CFAP251: variants seen among roughly 807,000 people sequenced by gnomAD.
The protein encoded by CFAP251 is cilia and flagella associated protein 251, also known as cilia- and flagella-associated protein 251.
Under a neutral mutation model 126.7 loss-of-function variants are expected in CFAP251, and 93 were observed. That is an observed-to-expected ratio of 0.73 (90% CI 0.62 to 0.87). The LOEUF (loss-of-function observed/expected upper bound fraction) is 0.87, where lower values mean the gene tolerates loss of function less well. CFAP251 is among the 40% of genes least tolerant of loss of function. CFAP251 has a pLI of 0.00. For missense variants in CFAP251, 1,287 were observed against 1,389.2 expected (o/e 0.93, Z 1.17); for synonymous variants, 503 against 506.9 (o/e 0.99, Z 0.10).
chr12:121,992,261 G>A, intron 19 of CFAP251: 1 of 985,460 alleles, frequency 1.0e-6, no homozygotes, highest in Non-Finnish European at 1.2e-6. Context: ...GTTCAGACAA[G>A]TAGCAGAACC....
intron 15 of CFAP251, 91 bp from the exon 16 acceptor site, chr12:121,966,864 G>C: frequency 8.5e-7 from 1 of 1,174,358 alleles, no homozygotes; most frequent in Admixed American, 1.8e-5. Flanking sequence ...GATTACAGGT[G>C]TGAGCCACTG....
chr12:121,994,167 C>G (rs1882967601), intron 19 of CFAP251, among the ~76,000 whole-genome samples: 2 of 94,740 alleles, frequency 2.1e-5, no homozygotes, highest in South Asian at 4.6e-4. Context: ...GGGGTCAGCC[C>G]CCCCGCCCGG....
intron 20 of CFAP251, 58 bp downstream of exon 20, chr12:122,000,002 A>G (rs1243988342): frequency 3.5e-5 from 53 of 1,500,554 alleles, no homozygotes; most frequent in Non-Finnish European, 4.5e-5. Context: ...AGTGTAGAGA[A>G]CTGAGTTTGG....
At chr12:121,948,389 T>A (rs1194492933) in intron 7 of CFAP251, 1 of 152,152 alleles carries the variant, frequency 6.6e-6, no homozygotes, top group Non-Finnish European at 1.5e-5. Flanking sequence ...TTTATTTTAT[T>A]ATTATTATTG....
At chr12:121,923,119 C>T (rs538933598) in intron 2 of CFAP251, among the ~76,000 whole-genome samples, 1 of 150,436 alleles carries the variant, frequency 6.6e-6, no homozygotes, top group South Asian at 2.1e-4. Context: ...TCCTTTTCCC[C>T]CTCCCCTCCC....
At chr12:121,976,753 C>G (rs925072093) in intron 19 of CFAP251, among the ~76,000 whole-genome samples, 13 of 151,878 alleles carry the variant, frequency 8.6e-5, no homozygotes, top group South Asian at 6.2e-4. Context: ...CCCATCCCCC[C>G]CAAAAAATTG....
chr12:121,967,852 C>G (rs989339533), intron 16 of CFAP251, among the ~76,000 whole-genome samples, 154 bp from the exon 17 acceptor site: 13 of 152,152 alleles, frequency 8.5e-5, no homozygotes, highest in Non-Finnish European at 1.6e-4. Flanking sequence ...GTGTGGATGC[C>G]CAGCTACATT....
chr12:121,994,975 A>T (rs546389802), intron 19 of CFAP251, among the ~76,000 whole-genome samples: 468 of 152,164 alleles, frequency 3.1e-3, no homozygotes, highest in African/African-American at 4.2e-3. Flanking sequence ...ATTAAAAAAA[A>T]AATAATAATC....
chr12:121,998,353 A>G (rs1883067198), intron 19 of CFAP251: 1 of 149,238 alleles, frequency 6.7e-6, no homozygotes, highest in African/African-American at 2.5e-5. Context: ...CACCTGGCCT[A>G]TAATTGATGT....
Position 121,982,341 on chromosome 12 carries a change from ATAT to A in CFAP251, c.3006+6660_3006+6662del, listed in dbSNP as rs1565921688. 6.0e-5 allele frequency among the ~76,000 whole-genome samples: 9 copies of A among 150,730 alleles called. No individual in the cohort carries two copies. The South Asian group carries it at 1.5e-3, about 25-fold the overall frequency. ...TCTGCCCCAGCCTCTCTAGTAGCTGATATTATAGGCGCACATCACCACATCATT... is the reference window on the plus strand; with the variant it reads ...TCTGCCCCAGCCTCTCTAGTAGCTGATATAGGCGCACATCACCACATCATT... On this transcript the variant is annotated intron_variant, in intron 19 of 21. Coordinates refer to ENST00000288912, the MANE Select transcript of CFAP251 (RefSeq NM_144668.6).
At chr12:121,945,442 C>T (rs1161642692) in intron 7 of CFAP251, among the ~76,000 whole-genome samples, 1 of 151,674 alleles carries the variant, frequency 6.6e-6, no homozygotes, top group Non-Finnish European at 1.5e-5. Context: ...CTCCTGGGTT[C>T]AAGCGATTCT....
In CFAP251 at chr12:121,921,276, A is replaced by G; in HGVS notation, c.-20-10A>G. ...GGGCCAGCTGGTTATTATGGTCAAA[A>G]TCTCTCTAGAGGAAACTCTACAGAG... On this transcript the variant is annotated splice_polypyrimidine_tract_variant and intron_variant, in intron 1 of 21. Transcript: ENST00000288912. 6.5e-7 allele frequency: 1 copy of G among 1,540,262 alleles called. No individual in the cohort carries two copies. Among genetic ancestry groups the G allele is most frequent in the South Asian group, 1.3e-5 (1 of 75,660 alleles).
intron 19 of CFAP251, among the ~76,000 whole-genome samples, chr12:121,980,050 C>T (rs112117038): frequency 2.1e-4 from 32 of 152,172 alleles, no homozygotes; most frequent in African/African-American, 2.4e-4. Flanking sequence ...CCTCCGTGTC[C>T]GGCCCCCAGT....
intron 19 of CFAP251, among the ~76,000 whole-genome samples, chr12:121,982,341 A>G (rs138650657): frequency 6.6e-6 from 1 of 150,730 alleles, no homozygotes; most frequent in African/African-American, 2.5e-5. Flanking sequence ...CTAGTAGCTG[A>G]TATTATAGGC....
At chr12:121,993,030 C>T (rs970402719) in intron 19 of CFAP251, among the ~76,000 whole-genome samples, 3 of 142,580 alleles carry the variant, frequency 2.1e-5, no homozygotes, top group South Asian at 4.6e-4. Flanking sequence ...CATGCGGAGC[C>T]GAAGCTGGAC....
chr12:121,969,253 T>C, intron 17 of CFAP251: 1 of 985,446 alleles, frequency 1.0e-6, no homozygotes, highest in Non-Finnish European at 1.2e-6. Context: ...GCCGGTTAAA[T>C]CTGCTTTGGA....
At chr12:121,971,154 T>C (rs1264311075) in intron 17 of CFAP251, among the ~76,000 whole-genome samples, 1 of 152,202 alleles carries the variant, frequency 6.6e-6, no homozygotes, top group East Asian at 1.9e-4. Flanking sequence ...TGGCTAAAAG[T>C]GGCCTTGCTG....
chr12:121,960,852 CGT>C (rs1881909062), intron 14 of CFAP251, 94 bp downstream of exon 14: 18 of 1,410,084 alleles, frequency 1.3e-5, no homozygotes, highest in Non-Finnish European at 1.7e-5. Context: ...GCCCACAGTA[CGT>C]GTGTTTGTTG....
At chr12:121,933,121 A>G (rs1880756449) in intron 4 of CFAP251, 1 of 152,284 alleles carries the variant, frequency 6.6e-6, no homozygotes. Flanking sequence ...ACAGAGACAG[A>G]TGTTAAACAA....
Sources: gnomAD v4.1 joint callset for allele counts (sites outside exome capture counted in the v4.1 genomes callset) on GRCh38, gnomAD v4.1.1 for gene constraint, MANE v1.5 for transcripts, NCBI Gene and HGNC (gene_info 2026-07-23, HGNC 2026-07-21) for gene names.